MYH10: variants seen among roughly 807,000 people sequenced by gnomAD.
The protein encoded by MYH10 is myosin-10.
Under a neutral mutation model 257.8 loss-of-function variants are expected in MYH10, and 55 were observed. That is an observed-to-expected ratio of 0.21 (90% CI 0.17 to 0.27). The LOEUF is 0.27. Ranked by LOEUF, MYH10 falls within the 10% of genes least tolerant of loss-of-function variation. The pLI is 1.00. For missense variants in MYH10, 1,631 were observed against 2,500.6 expected (o/e 0.65, Z 7.42); for synonymous variants, 854 against 921.7 (o/e 0.93, Z 1.33).
intron 1 of MYH10, among the ~76,000 whole-genome samples, chr17:8,626,472 C>A (rs965870990): frequency 6.6e-6 from 1 of 151,650 alleles, no homozygotes; most frequent in African/African-American, 2.4e-5. Context: ...GAGGATGAGG[C>A]AGGAAGATCA....
intron 28 of MYH10, among the ~76,000 whole-genome samples, chr17:8,502,470 G>A (rs1034628062): frequency 2.9e-5 from 4 of 137,622 alleles, no homozygotes; most frequent in Non-Finnish European, 4.8e-5. Context: ...GTTGTCTTTT[G>A]GGAAAATAGT....
rs111227495 is a variant in MYH10 at position 8,625,482 on chromosome 17, A to AT, written c.-31-2206dup. Among the ~76,000 whole-genome samples the AT allele has an allele frequency of 1.3e-3, 184 of 144,644 alleles. 1 individual carries two copies. The highest frequency in any genetic ancestry group is 2.4e-3 in the East Asian group (12 of 4,918). The allele number at this position is 144,644 out of a possible 152,430, so 94.9% of individuals were successfully genotyped here. The stretch of plus-strand genomic sequence containing the variant: ...AGGTATAGGGTAGAGCCTGAGAACT[A>AT]TTTTTTTTTTTTTTGAGACAGAGTT... On this transcript the variant is annotated intron_variant, in intron 1 of 42. Transcript: ENST00000360416.
intron 35 of MYH10, among the ~76,000 whole-genome samples, chr17:8,489,723 A>ACACACACACACACACT (rs1915457179): frequency 1.3e-5 from 2 of 150,562 alleles, no homozygotes; most frequent in Non-Finnish European, 3.0e-5. Context: ...ACACACACAC[A>ACACACACACACACACT]CACACACACA....
chr17:8,496,434 T>C (rs1415056447), intron 30 of MYH10, among the ~76,000 whole-genome samples: 2 of 152,208 alleles, frequency 1.3e-5, no homozygotes, highest in Non-Finnish European at 2.9e-5. Flanking sequence ...GCACCAGCTC[T>C]AGAAGTTGCC....
chr17:8,572,839 G>A (rs144386646), intron 6 of MYH10, among the ~76,000 whole-genome samples: 6 of 152,162 alleles, frequency 3.9e-5, no homozygotes, highest in African/African-American at 1.4e-4. Context: ...CCAAAAACCT[G>A]GTACAAAGCC....
Position 8,510,001 on chromosome 17 carries a change from CAT to C in MYH10, c.2953-54_2953-53del, listed in dbSNP as rs376641280. The C allele has an allele frequency of 1.4e-4, 221 of 1,525,678 alleles. 2 individuals carry two copies. In the South Asian group the frequency reaches 2.6e-3, roughly 18 times the overall value. 94.5% of individuals were successfully genotyped at this position (1,525,678 alleles called of 1,614,324 possible). ...GCCACTTTCTCGAGATTTGACCACA[CAT>C]TCATTGTGCACAGGAATGCATTACA... On this transcript the variant is annotated intron_variant, in intron 24 of 42. Transcript: ENST00000360416.
chr17:8,483,517 T>C (rs1914224885), intron 37 of MYH10, among the ~76,000 whole-genome samples: 1 of 152,246 alleles, frequency 6.6e-6, no homozygotes, highest in African/African-American at 2.4e-5. Context: ...TAGGTGTTTG[T>C]ATTGGGAGTT....
intron 40 of MYH10, 143 bp downstream of exon 40, chr17:8,479,967 T>TC: frequency 1.3e-6 from 1 of 740,814 alleles, no homozygotes; most frequent in East Asian, 2.7e-5. Flanking sequence ...CTCTCACAGC[T>TC]CACACCAACT....
At chr17:8,616,253 A>T (rs1404924129) in intron 2 of MYH10, among the ~76,000 whole-genome samples, 1 of 152,104 alleles carries the variant, frequency 6.6e-6, no homozygotes, top group Non-Finnish European at 1.5e-5. Context: ...ACTCCACTCC[A>T]GCCTGGGTGA....
chr17:8,558,871 C>G (rs1200972683), intron 7 of MYH10, among the ~76,000 whole-genome samples: 1 of 152,200 alleles, frequency 6.6e-6, no homozygotes, highest in African/African-American at 2.4e-5. Context: ...CTATTTCCTT[C>G]TAACAATTTT....
intron 9 of MYH10, among the ~76,000 whole-genome samples, chr17:8,549,739 CT>C (rs1180208310): frequency 6.6e-6 from 1 of 152,168 alleles, no homozygotes; most frequent in Non-Finnish European, 1.5e-5. Flanking sequence ...CGGTCTCCCT[CT>C]CATGCTGAGC....
chr17:8,561,317 A>C (rs2151982300), intron 7 of MYH10: 3 of 1,120,846 alleles, frequency 2.7e-6, no homozygotes, highest in Non-Finnish European at 4.0e-6. Flanking sequence ...TGCCCGATGC[A>C]TGCCCAAGGA....
intron 9 of MYH10, among the ~76,000 whole-genome samples, chr17:8,551,802 T>A (rs1334898417): frequency 6.6e-6 from 1 of 152,292 alleles, no homozygotes; most frequent in East Asian, 1.9e-4. Context: ...TCTTCTAATT[T>A]AAAAAATTTT....
intron 4 of MYH10, among the ~76,000 whole-genome samples, chr17:8,585,425 T>C (rs914287304): frequency 3.3e-5 from 5 of 151,510 alleles, no homozygotes; most frequent in African/African-American, 9.7e-5. Context: ...TAAATAGTTA[T>C]CTTATGCAGA....
intron 11 of MYH10, 132 bp downstream of exon 11, chr17:8,548,168 TCGTGTAAATACAC>T: frequency 1.7e-6 from 1 of 585,934 alleles, no homozygotes; most frequent in Non-Finnish European, 3.0e-6. Context: ...AGAGGAACCC[TCGTGTAAATACAC>T]GATGTTGTCA....
intron 14 of MYH10, among the ~76,000 whole-genome samples, chr17:8,536,566 C>T (rs1344268960): frequency 2.0e-5 from 3 of 151,968 alleles, no homozygotes; most frequent in Non-Finnish European, 2.9e-5. Context: ...TTTGGGAGGC[C>T]GAGGCAGGTG....
chr17:8,513,675 A>C lies in MYH10; in HGVS notation c.2614-6T>G, dbSNP rs765032846. ...ACTTGTAGAAGCGGCTTCACCTATG[A>C]CAAAATTAAGCAGTTTTTTTTTTTT... On this transcript the variant is annotated splice_polypyrimidine_tract_variant and splice_region_variant and intron_variant, in intron 22 of 42. Transcript: ENST00000360416. 1.3e-6 allele frequency: 2 copies of C among 1,595,724 alleles called. No individual in the cohort carries two copies. The highest frequency in any genetic ancestry group is 4.5e-5 in the East Asian group (2 of 44,490).
rs370801214 is a variant in MYH10 at position 8,604,889 on chromosome 17, G to A, written c.439C>T (p.Arg147Cys). Residue 147 changes from arginine (R) to cysteine (C), a missense_variant, in exon 3 of 43, where the codon CGT (arginine) becomes TGT (cysteine). By Grantham distance (180) the Arg-to-Cys change is radical. Transcript: ENST00000360416. ...TAGATGTGTGGAGGCATCTCATGAC[G>A]CTTCTTCCCTCTGTACATTTCAATA... ...NIIEMYRGKK[R>C]HEMPPHIYAI... is the part of the protein sequence containing the mutation. The A allele has an allele frequency of 5.6e-6, 9 of 1,606,228 alleles. No homozygotes were observed. Among genetic ancestry groups the A allele is most frequent in the Admixed American group, 3.4e-5 (2 of 59,590 alleles).
intron 19 of MYH10, among the ~76,000 whole-genome samples, chr17:8,519,223 G>T (rs536315891): frequency 3.3e-4 from 51 of 152,306 alleles, no homozygotes; most frequent in Admixed American, 1.5e-3. Context: ...TGGTGTTTTA[G>T]AAACCTTTCA....
Sources: allele counts gnomAD v4.1 joint callset (sites outside exome capture counted in the v4.1 genomes callset), GRCh38; gene constraint gnomAD v4.1.1; transcripts MANE v1.5; gene names NCBI Gene and HGNC (gene_info 2026-07-23, HGNC 2026-07-21).